SAMM50: variants seen among roughly 807,000 people sequenced by gnomAD.
The protein encoded by SAMM50 is sorting and assembly machinery component 50 homolog.
A neutral mutation model predicts 66.9 loss-of-function variants in SAMM50; 47 were observed. The ratio of observed to expected loss-of-function variants is 0.70; its 90% confidence interval spans 0.56 to 0.90. The LOEUF (loss-of-function observed/expected upper bound fraction) is 0.90. Among genes scored for constraint, SAMM50 ranks in the 40% least tolerant of loss-of-function variants. SAMM50 has a pLI of 0.00. For synonymous variants in SAMM50, 191 were observed against 214.1 expected (o/e 0.89, Z 0.94); for missense variants, 535 against 595.3 (o/e 0.90, Z 1.05).
At chr22:43,990,235 A>G (rs754281733) in intron 13 of SAMM50, 30 bp from the exon 14 acceptor site, 2 of 1,614,042 alleles carry the variant, frequency 1.2e-6, no homozygotes, top group South Asian at 1.1e-5. Flanking sequence ...ACGGGCACGC[A>G]CTGTTGCTCA....
At chr22:43,956,030 G>A (rs1049244102) in intron 1 of SAMM50, among the ~76,000 whole-genome samples, 1 of 152,048 alleles carries the variant, frequency 6.6e-6, no homozygotes, top group African/African-American at 2.4e-5. Flanking sequence ...CCTATCTAGG[G>A]GTCCTCTTTT....
chr22:43,985,635 A>G lies in SAMM50; in HGVS notation c.1075+1635A>G, dbSNP rs543576397. Among the ~76,000 whole-genome samples the G allele has an allele frequency of 1.1e-4, 17 of 152,146 alleles. No individual in the cohort carries two copies. In the East Asian group the frequency reaches 1.5e-3, roughly 14 times the overall value. On this transcript the variant is annotated intron_variant, in intron 12 of 14. Transcript: ENST00000350028. Reference sequence around the variant, plus strand: ...AGCTTGGTTGCTTCTAGTGTTTGGCAGTGATGAGTAAAGCTTCTATCAACA... The same window carrying G: ...AGCTTGGTTGCTTCTAGTGTTTGGCGGTGATGAGTAAAGCTTCTATCAACA...
intron 10 of SAMM50, among the ~76,000 whole-genome samples, chr22:43,980,171 C>T (rs372253910): frequency 0.54 from 1,249 of 2,312 alleles, 149 homozygotes; most frequent in Middle Eastern, 1. Context: ...CATTCACCCA[C>T]CCACCCACCC....
intron 3 of SAMM50, among the ~76,000 whole-genome samples, chr22:43,965,674 T>C (rs1267002135): frequency 6.6e-6 from 1 of 152,194 alleles, no homozygotes; most frequent in African/African-American, 2.4e-5. Context: ...TTCCTAGATA[T>C]GTTGTACGAG....
intron 1 of SAMM50, among the ~76,000 whole-genome samples, chr22:43,959,365 TGC>T (rs749016539): frequency 3.3e-5 from 5 of 152,158 alleles, no homozygotes; most frequent in Non-Finnish European, 5.9e-5. Context: ...ACTTTAAAGA[TGC>T]TGTTCATAAC....
intron 4 of SAMM50, among the ~76,000 whole-genome samples, chr22:43,971,430 C>T (rs1268750775): frequency 1.3e-5 from 2 of 152,160 alleles, no homozygotes; most frequent in Non-Finnish European, 2.9e-5. Flanking sequence ...CCAGCTCAGA[C>T]CCAAATCATA....
At position 43,984,897 on chromosome 22, in the gene SAMM50, T is replaced by A. The variant is rs578164234; in HGVS notation, c.1075+897T>A. ...CACCGGCCTTGGCCTTCTAAAGTGC[T>A]GGGATTACAGATGTGAGCCACTGCG... is the stretch of plus-strand genomic sequence containing the variant. On this transcript the variant is annotated intron_variant, in intron 12 of 14. Coordinates refer to ENST00000350028, the MANE Select transcript of SAMM50 (RefSeq NM_015380.5). Among the ~76,000 whole-genome samples, 4 of 152,178 alleles carry A rather than the reference T, an allele frequency of 2.6e-5. 1 individual carries two copies. In the South Asian group the frequency reaches 8.3e-4, roughly 32 times the overall value.
intron 11 of SAMM50, among the ~76,000 whole-genome samples, chr22:43,982,104 A>C (rs773415500): frequency 1.3e-5 from 2 of 152,084 alleles, no homozygotes; most frequent in Non-Finnish European, 1.5e-5. Context: ...AGGGCAAAAA[A>C]ACTTTTTTTT....
intron 1 of SAMM50, among the ~76,000 whole-genome samples, chr22:43,957,568 G>T (rs909860595): frequency 6.6e-6 from 1 of 152,048 alleles, no homozygotes; most frequent in African/African-American, 2.4e-5. Flanking sequence ...GATTATAGGC[G>T]CACGCCACCA....
At chr22:43,960,148 T>C (rs2050140644) in intron 1 of SAMM50, among the ~76,000 whole-genome samples, 1 of 152,152 alleles carries the variant, frequency 6.6e-6, no homozygotes, top group Non-Finnish European at 1.5e-5. Flanking sequence ...TTAAGATGAG[T>C]ATGTGCACAT....
At chr22:43,987,130 C>T (rs879690427) in intron 12 of SAMM50, 4 of 152,174 alleles carry the variant, frequency 2.6e-5, no homozygotes, top group Admixed American at 6.5e-5. Context: ...TCACCACCTC[C>T]GTGCGGTTGG....
In SAMM50 at chr22:43,964,455, GT is replaced by G. The variant is rs751220299; in HGVS notation, c.138del (p.Val47PhefsTer30). Reference sequence around the variant, plus strand: ...ACTGTCCCTGTGTGACTTTTAGGTGGTTGTTCAACATGTTCATTTTGATGGA... The same window carrying G: ...ACTGTCCCTGTGTGACTTTTAGGTGGTGTTCAACATGTTCATTTTGATGGA... Reference protein sequence around the residue: ...KQEILENKDVVVQHVHFDGLG... With the variant: ...KQEILENKDVXVQHVHFDGLG... On this transcript the variant is annotated frameshift_variant, in exon 3 of 15. Coordinates refer to ENST00000350028, the MANE Select transcript of SAMM50 (RefSeq NM_015380.5). LOFTEE classifies it high-confidence loss of function. 3 of 1,587,838 alleles carry G rather than the reference GT, an allele frequency of 1.9e-6. No individual in the cohort carries two copies. The highest frequency in any genetic ancestry group is 1.1e-5 in the South Asian group (1 of 90,484).
intron 11 of SAMM50, among the ~76,000 whole-genome samples, chr22:43,982,930 G>A (rs2050272356): frequency 6.6e-6 from 1 of 152,186 alleles, no homozygotes; most frequent in East Asian, 1.9e-4. Flanking sequence ...GCTACCGCAC[G>A]TGGCCTGATT....
chr22:43,990,487 T>C (rs2146828316), intron 14 of SAMM50, 81 bp downstream of exon 14: 1 of 1,337,372 alleles, frequency 7.5e-7, no homozygotes, highest in Non-Finnish European at 1.1e-6. Context: ...TTAATTTCAT[T>C]AGTGGCTTTT....
intron 12 of SAMM50, among the ~76,000 whole-genome samples, chr22:43,984,486 T>A (rs998432980): frequency 6.7e-6 from 1 of 149,716 alleles, no homozygotes; most frequent in Non-Finnish European, 1.5e-5. Flanking sequence ...CTAATTTTTG[T>A]ATTTTTAGTA....
At chr22:43,967,662 T>A (rs1045331342) in intron 3 of SAMM50, among the ~76,000 whole-genome samples, 1 of 152,216 alleles carries the variant, frequency 6.6e-6, no homozygotes, top group Non-Finnish European at 1.5e-5. Flanking sequence ...ACCGCATTCG[T>A]CTGTGTGATC....
At chr22:43,979,736 G>A (rs1160271811) in intron 10 of SAMM50, among the ~76,000 whole-genome samples, 1 of 151,932 alleles carries the variant, frequency 6.6e-6, no homozygotes, top group African/African-American at 2.4e-5. Flanking sequence ...CAAACTGCTT[G>A]TGCTGTTAGG....
At chr22:43,981,969 C>T (rs569053534) in intron 11 of SAMM50, among the ~76,000 whole-genome samples, 15 of 152,208 alleles carry the variant, frequency 9.9e-5, no homozygotes, top group African/African-American at 3.1e-4. Flanking sequence ...TGTGGTATTA[C>T]TCTCTCAAAG....
chr22:43,969,050 T>C (rs1002812863), intron 4 of SAMM50, among the ~76,000 whole-genome samples: 1 of 152,230 alleles, frequency 6.6e-6, no homozygotes, highest in Non-Finnish European at 1.5e-5. Context: ...CTGGAACTCC[T>C]GTGCTCAAGC....
Sources: gnomAD v4.1 joint callset for allele counts (sites outside exome capture counted in the v4.1 genomes callset) on GRCh38, gnomAD v4.1.1 for gene constraint, MANE v1.5 for transcripts, NCBI Gene and HGNC (gene_info 2026-07-23, HGNC 2026-07-21) for gene names.